The following CCDC171 variants were observed in gnomAD, a reference collection of about 807,000 sequenced individuals.
CCDC171 encodes coiled-coil domain containing 171.
CCDC171 carries 177 observed loss-of-function variants against 168.2 expected under a neutral mutation model. That is an observed-to-expected ratio of 1.05 (90% CI 0.93 to 1.19). CCDC171 has a LOEUF of 1.19. Among genes scored for constraint, CCDC171 ranks in the 50% most tolerant of loss-of-function variants. CCDC171 has a pLI of 0.00. For missense variants in CCDC171, 1,991 were observed against 1,539.0 expected, an observed-to-expected ratio of 1.29 and a Z score of -4.91; for synonymous variants, 687 against 540.8, an observed-to-expected ratio of 1.27 and a Z score of -3.75.
intron 22 of CCDC171, among the ~76,000 whole-genome samples, chr9:15,848,575 G>A (rs527732022): frequency 6.6e-6 from 1 of 151,716 alleles, no homozygotes; most frequent in South Asian, 2.1e-4. Context: ...GATCAATAAT[G>A]TAATTGTGAT....
chr9:15,658,831 T>C (rs1312639381), intron 8 of CCDC171, among the ~76,000 whole-genome samples: 1 of 152,210 alleles, frequency 6.6e-6, no homozygotes, highest in Non-Finnish European at 1.5e-5. Flanking sequence ...TTCAGAATTT[T>C]GACCTCCACA....
intron 7 of CCDC171, 84 bp downstream of exon 7, chr9:15,623,497 A>ACACACACACG: frequency 1.5e-6 from 1 of 664,836 alleles, no homozygotes; most frequent in Non-Finnish European, 2.4e-6. Context: ...ACACACACAC[A>ACACACACACG]CACACACACA....
intron 3 of CCDC171, among the ~76,000 whole-genome samples, chr9:16,018,544 A>T (rs772760397): frequency 1.3e-5 from 2 of 152,214 alleles, no homozygotes; most frequent in African/African-American, 2.4e-5. Flanking sequence ...TCTTCATTGA[A>T]TGAATTATGA....
chr9:16,102,841 G>C, the CCDC171 span, among the ~76,000 whole-genome samples: 2 of 152,152 alleles, frequency 1.3e-5, no homozygotes, highest in African/African-American at 2.4e-5. Flanking sequence ...CTGGAGATGT[G>C]AGTTTAATGA....
In CCDC171 at chr9:15,950,722, G is replaced by A. The variant is rs1318705788; in HGVS notation, c.3754-20887G>A. Among the ~76,000 whole-genome samples, 4 of 151,520 alleles carry A rather than the reference G, an allele frequency of 2.6e-5. No individual in the cohort carries two copies. In the South Asian group the frequency reaches 6.3e-4, roughly 24 times the overall value. ...AGGAAGACACTGCATGAACTAATGA[G>A]CAAAATAACCAGCTAACATCATAAT... On this transcript the variant is annotated intron_variant, in intron 25 of 25. Coordinates refer to ENST00000380701, the MANE Select transcript of CCDC171 (RefSeq NM_173550.4).
the CCDC171 span, among the ~76,000 whole-genome samples, chr9:16,089,359 T>C: frequency 6.6e-6 from 1 of 152,132 alleles, no homozygotes; most frequent in African/African-American, 2.4e-5. Flanking sequence ...TTTCTTTTGC[T>C]GTGCAGAAGC....
rs376774549 is a variant in CCDC171, at chr9:15,820,273, T to C, written c.3268-26429T>C. On this transcript the variant is annotated intron_variant, in intron 21 of 25. Coordinates refer to ENST00000380701, the MANE Select transcript of CCDC171 (RefSeq NM_173550.4). ...AAAATCGACACCCTAACATCACAAT[T>C]AAAAGAACTAGAGAAGCAAGAGCAA... Among the ~76,000 whole-genome samples the C allele has an allele frequency of 1.1e-4, 13 of 115,380 alleles. 3 individuals are homozygous for C. The East Asian group carries it at 2.6e-3, about 23-fold the overall frequency. The allele number at this position is 115,380 out of a possible 152,430, so 75.7% of individuals were successfully genotyped here.
chr9:15,930,218 C>T (rs1199671654), intron 25 of CCDC171, among the ~76,000 whole-genome samples: 1 of 151,582 alleles, frequency 6.6e-6, no homozygotes, highest in Admixed American at 6.6e-5. Context: ...TTTGCATAAA[C>T]CATGATTCCC....
intron 3 of CCDC171, among the ~76,000 whole-genome samples, chr9:15,572,646 C>G (rs1344597581): frequency 1.3e-5 from 2 of 152,152 alleles, no homozygotes; most frequent in African/African-American, 2.4e-5. Flanking sequence ...TGTTGGGAAA[C>G]CTTTTAATGT....
the CCDC171 span, among the ~76,000 whole-genome samples, chr9:16,088,989 C>T: frequency 1.3e-5 from 2 of 152,162 alleles, no homozygotes; most frequent in African/African-American, 4.8e-5. Flanking sequence ...ACCAAAACAG[C>T]ATGGTACTGG....
chr9:15,814,680 T>C (rs1253489173), intron 21 of CCDC171, among the ~76,000 whole-genome samples: 1 of 152,026 alleles, frequency 6.6e-6, no homozygotes, highest in Non-Finnish European at 1.5e-5. Flanking sequence ...GATATTTTTA[T>C]TATATATAGA....
rs763798329 is a variant in CCDC171, at chr9:15,784,685, A to G, written c.3258A>G (p.Glu1086=). Residue 1086 remains glutamate (E), a synonymous_variant, in exon 21 of 26, where the codon GAA becomes GAG. Transcript: ENST00000380701. ...CTGACAAAAACCAAACTCTTGGAGA[A>G]GCTGTTAAGGTAAGAGAATAAAGGG... is the stretch of plus-strand genomic sequence containing the variant. ...EEADKNQTLG[E]AVKSLSEAKM... 1.1e-5 allele frequency: 17 copies of G among 1,611,362 alleles called. No individual in the cohort carries two copies. The highest frequency in any genetic ancestry group is 1.4e-5 in the Non-Finnish European group (16 of 1,178,232).
At chr9:15,900,402 A>G (rs1015049651) in intron 24 of CCDC171, among the ~76,000 whole-genome samples, 2 of 152,304 alleles carry the variant, frequency 1.3e-5, no homozygotes, top group Non-Finnish European at 2.9e-5. Context: ...CTTCTTTTTC[A>G]CAATGGCAAG....
chr9:16,044,338 A>G (rs1311836030), intron 1 of CCDC171, among the ~76,000 whole-genome samples: 1 of 152,188 alleles, frequency 6.6e-6, no homozygotes, highest in Non-Finnish European at 1.5e-5. Flanking sequence ...CTGTCAGAGG[A>G]GAGGATCCGG....
chr9:15,743,978 G>C (rs900158989), intron 16 of CCDC171, among the ~76,000 whole-genome samples: 2 of 152,158 alleles, frequency 1.3e-5, no homozygotes, highest in Non-Finnish European at 2.9e-5. Flanking sequence ...CTAAATTTGT[G>C]TGTTTATGTA....
At chr9:15,875,042 A>T (rs1817663872) in intron 24 of CCDC171, 1 of 153,072 alleles carries the variant, frequency 6.5e-6, no homozygotes, top group Admixed American at 6.5e-5. Context: ...GAAAAAAAAT[A>T]AAATAATAAA....
intron 7 of CCDC171, among the ~76,000 whole-genome samples, chr9:15,654,801 T>C (rs904025475): frequency 6.6e-6 from 1 of 152,032 alleles, no homozygotes; most frequent in Non-Finnish European, 1.5e-5. Flanking sequence ...GGAAAGTGGG[T>C]GCAGGACAGT....
rs777463286 is a variant in CCDC171, at chr9:15,784,675, C to A, written c.3248C>A (p.Thr1083Asn). 6.2e-7 allele frequency: 1 copy of A among 1,612,200 alleles called. No individual in the cohort carries two copies. Among genetic ancestry groups the A allele is most frequent in the South Asian group, 1.1e-5 (1 of 90,898 alleles). The change falls in exon 21 of 26, where the codon ACT (threonine) becomes AAT (asparagine). Residue 1083 changes from threonine (T) to asparagine (N), a missense_variant. Coordinates refer to ENST00000380701, the MANE Select transcript of CCDC171 (RefSeq NM_173550.4). ...HSSEEADKNQ[T>N]LGEAVKSLSE... Reference sequence around the variant, plus strand: ...AGTGAGGAAGCTGACAAAAACCAAACTCTTGGAGAAGCTGTTAAGGTAAGA... The same window carrying A: ...AGTGAGGAAGCTGACAAAAACCAAAATCTTGGAGAAGCTGTTAAGGTAAGA...
At chr9:15,906,526 C>T (rs1473527419) in intron 24 of CCDC171, among the ~76,000 whole-genome samples, 2 of 152,078 alleles carry the variant, frequency 1.3e-5, no homozygotes, top group Non-Finnish European at 2.9e-5. Flanking sequence ...CTTATCTCAA[C>T]ATAATAAGAG....
Sources: gnomAD v4.1 joint callset for allele counts (sites outside exome capture counted in the v4.1 genomes callset) on GRCh38, gnomAD v4.1.1 for gene constraint, MANE v1.5 for transcripts, NCBI Gene and HGNC (gene_info 2026-07-23, HGNC 2026-07-21) for gene names.